Variants in NBEA observed in about 807,000 individuals in gnomAD.
NBEA encodes lysosomal-trafficking regulator 2.
In NBEA, 44 loss-of-function variants were observed where a neutral mutation model predicts 343.4. The observed-to-expected ratio is 0.13, with a 90% CI of 0.10 to 0.16. NBEA has a LOEUF of 0.16. Among genes scored for constraint, NBEA ranks in the 10% least tolerant of loss-of-function variants. The pLI, the probability that NBEA is intolerant of heterozygous loss-of-function variation, is 1.00. For synonymous variants in NBEA, 1,175 were observed against 1,238.7 expected (o/e 0.95, Z 1.08); for missense variants, 2,555 against 3,631.3 (o/e 0.70, Z 7.62).
intron 41 of NBEA, among the ~76,000 whole-genome samples, chr13:35,542,494 C>G (rs1461294866): frequency 6.6e-6 from 1 of 152,064 alleles, no homozygotes; most frequent in Non-Finnish European, 1.5e-5. Context: ...CTGCCCTTGA[C>G]AATTTTATTT....
chr13:34,956,358 A>T (rs1437214545), intron 1 of NBEA, among the ~76,000 whole-genome samples: 2 of 151,956 alleles, frequency 1.3e-5, no homozygotes, highest in Non-Finnish European at 2.9e-5. Context: ...TAAGAGCAAA[A>T]AAACAATGGT....
At chr13:34,949,374 A>G (rs941509550) in intron 1 of NBEA, among the ~76,000 whole-genome samples, 1 of 152,162 alleles carries the variant, frequency 6.6e-6, no homozygotes, top group Non-Finnish European at 1.5e-5. Flanking sequence ...TTGACGAAAA[A>G]CTTACCAAAG....
rs368914553 is a variant in NBEA at position 35,001,464 on chromosome 13, T to C, written c.295-39469T>C. ...GAATGGATAAAGAAAATATGGTATA[T>C]GTGCACAATGGAATACTATTCGGCT... On this transcript the variant is annotated intron_variant, in intron 1 of 58. Transcript: ENST00000379939. Among the ~76,000 whole-genome samples the C allele has an allele frequency of 8.5e-5, 13 of 152,296 alleles. No homozygotes were observed. The East Asian group carries it at 2.5e-3, about 29-fold the overall frequency.
chr13:35,010,741 A>AAAT (rs1555275017), intron 1 of NBEA, among the ~76,000 whole-genome samples: 5 of 31,952 alleles, frequency 1.6e-4, no homozygotes, highest in East Asian at 3.8e-3. Flanking sequence ...AAAAAAAAAA[A>AAAT]ATATATATAT....
intron 35 of NBEA, among the ~76,000 whole-genome samples, chr13:35,307,791 T>C (rs773077715): frequency 1.3e-5 from 2 of 152,074 alleles, no homozygotes; most frequent in Non-Finnish European, 2.9e-5. Context: ...TGTAGGATCC[T>C]GATTTCCAAT....
At chr13:35,243,844 A>C (rs1002569013) in intron 34 of NBEA, among the ~76,000 whole-genome samples, 1 of 151,904 alleles carries the variant, frequency 6.6e-6, no homozygotes, top group Non-Finnish European at 1.5e-5. Context: ...TAAAGCAACC[A>C]GGTAAAAGGT....
In NBEA at chr13:35,352,177, TG is replaced by T; in HGVS notation, c.6034del (p.Ala2012LeufsTer23). On this transcript the variant is annotated frameshift_variant, in exon 38 of 59. Coordinates refer to ENST00000379939, the MANE Select transcript of NBEA (RefSeq NM_001385012.1). LOFTEE classifies it high-confidence loss of function. ...TATAGTCACAGTGTGCCCAATATGC[TG>T]CTGATAGAAGAGAGGAAGAAAAGAT... ...EFESQCAQYA[A>X]DRREEEKMCD... 1 of 1,505,228 alleles carries T rather than the reference TG, an allele frequency of 6.6e-7. No individual in the cohort carries two copies. Among genetic ancestry groups the T allele is most frequent in the South Asian group, 1.4e-5 (1 of 72,004 alleles). 93.2% of individuals were successfully genotyped at this position (1,505,228 alleles called of 1,614,324 possible). A position where few individuals can be genotyped will look rare whatever the true frequency, so the allele number is the denominator to read the frequency against.
chr13:35,555,168 T>G, intron 44 of NBEA, 66 bp downstream of exon 44: 1 of 842,360 alleles, frequency 1.2e-6, no homozygotes, highest in Non-Finnish European at 1.8e-6. Flanking sequence ...TAATGTAGCC[T>G]GATATAATAC....
intron 48 of NBEA, among the ~76,000 whole-genome samples, chr13:35,609,319 G>A (rs2082407319): frequency 6.6e-6 from 1 of 152,212 alleles, no homozygotes; most frequent in Admixed American, 6.5e-5. Flanking sequence ...CACATTTCCT[G>A]CTAGAAGAGT....
intron 10 of NBEA, among the ~76,000 whole-genome samples, chr13:35,080,599 G>A (rs1327501142): frequency 6.6e-6 from 1 of 152,080 alleles, no homozygotes; most frequent in Non-Finnish European, 1.5e-5. Context: ...CCTTTGGGGC[G>A]GTAAAGCTGA....
intron 36 of NBEA, among the ~76,000 whole-genome samples, chr13:35,326,939 A>T (rs1180717227): frequency 6.6e-6 from 1 of 152,088 alleles, no homozygotes; most frequent in Non-Finnish European, 1.5e-5. Context: ...ATCAACAATA[A>T]AAAACAAATA....
intron 48 of NBEA, 95 bp from the exon 49 acceptor site, chr13:35,627,986 C>T: frequency 2.1e-6 from 2 of 931,268 alleles, no homozygotes; most frequent in East Asian, 2.8e-5. Context: ...GCATATTCTC[C>T]TTTTTATATA....
At position 35,088,050 on chromosome 13, in the gene NBEA, T is replaced by C. The variant is rs796619797; in HGVS notation, c.1572-10247T>C. The stretch of plus-strand genomic sequence containing the variant: ...TAGAAAGGTGCAGTGTTTTGGTATT[T>C]TGGATAGGTACTGAGGTATCACCTA... On this transcript the variant is annotated intron_variant, in intron 10 of 58. Coordinates refer to ENST00000379939, the MANE Select transcript of NBEA (RefSeq NM_001385012.1). Among the ~76,000 whole-genome samples, 48 of 151,984 alleles carry C rather than the reference T, an allele frequency of 3.2e-4. 1 individual carries two copies. Among genetic ancestry groups the C allele is most frequent in the African/African-American group, 1.1e-3 (45 of 41,492 alleles).
chr13:35,311,648 G>C (rs2037373526), intron 36 of NBEA, among the ~76,000 whole-genome samples: 1 of 152,202 alleles, frequency 6.6e-6, no homozygotes, highest in Non-Finnish European at 1.5e-5. Context: ...GAGGTCAGGA[G>C]TTTGAGACCG....
chr13:35,138,702 C>G (rs1168837449), intron 17 of NBEA, among the ~76,000 whole-genome samples: 2 of 152,026 alleles, frequency 1.3e-5, no homozygotes, highest in East Asian at 3.9e-4. Flanking sequence ...TCAAGTGATC[C>G]TCCCACCTCA....
intron 24 of NBEA, among the ~76,000 whole-genome samples, chr13:35,168,698 G>A (rs2070230635): frequency 6.6e-6 from 1 of 151,224 alleles, no homozygotes; most frequent in African/African-American, 2.4e-5. Context: ...TTGTAAAATA[G>A]AGTATGCATT....
intron 34 of NBEA, among the ~76,000 whole-genome samples, chr13:35,289,040 G>T (rs2035624893): frequency 6.6e-6 from 1 of 151,846 alleles, no homozygotes; most frequent in South Asian, 2.1e-4. Flanking sequence ...TGTTCTGTCG[G>T]TCTGTACAAT....
chr13:35,071,965 G>A (rs533701157), intron 10 of NBEA, among the ~76,000 whole-genome samples: 3 of 152,136 alleles, frequency 2.0e-5, no homozygotes, highest in African/African-American at 7.2e-5. Context: ...AGTTTTGAAA[G>A]TAAAAAGCTT....
intron 41 of NBEA, among the ~76,000 whole-genome samples, chr13:35,540,863 A>G (rs2078788958): frequency 6.6e-6 from 1 of 152,202 alleles, no homozygotes; most frequent in Admixed American, 6.5e-5. Context: ...TGCTCTTTTG[A>G]GTAGTTCCTG....
Sources: gnomAD v4.1 joint callset for allele counts (sites outside exome capture counted in the v4.1 genomes callset) on GRCh38, gnomAD v4.1.1 for gene constraint, MANE v1.5 for transcripts, NCBI Gene and HGNC (gene_info 2026-07-23, HGNC 2026-07-21) for gene names.